Variants in H2BC1 observed in about 807,000 individuals in gnomAD.
The protein encoded by H2BC1 is histone H2B type 1-A.
In H2BC1, 5 loss-of-function variants were observed where a neutral mutation model predicts 5.4. That is an observed-to-expected ratio of 0.92 (90% CI 0.48 to 1.94). The LOEUF is 1.94. Among genes scored for constraint, H2BC1 ranks in the 30% most tolerant of loss-of-function variants. The pLI, the probability that H2BC1 is intolerant of heterozygous loss-of-function variation, is 0.01. For missense variants in H2BC1, 210 were observed against 159.1 expected (o/e 1.32, Z -1.72); for synonymous variants, 131 against 58.2 (o/e 2.25, Z -5.69).
Position 25,727,039 on chromosome 6 carries a change from A to G in H2BC1, c.131A>G (p.Tyr44Cys), listed in dbSNP as rs1363676327. Residue 44 changes from tyrosine (Y) to cysteine (C), a missense_variant, in exon 1 of 1, where the codon TAC (tyrosine) becomes TGC (cysteine). Transcript: ENST00000274764. The part of the protein sequence containing the change: ...TRKESYSIYI[Y>C]KVLKQVHPDT... ...AAGGAGAGTTATTCTATTTACATCT[A>G]CAAAGTGCTAAAGCAGGTCCATCCG... 2.5e-6 allele frequency: 4 copies of G among 1,614,136 alleles called. No homozygotes were observed. In the African/African-American group the frequency reaches 5.3e-5, roughly 22 times the overall value.
chr6:25,727,183 C>G lies in H2BC1; in HGVS notation c.275C>G (p.Ser92Cys), dbSNP rs763574279. The G allele has an allele frequency of 6.2e-7, 1 of 1,614,198 alleles. No homozygotes were observed. The highest frequency in any genetic ancestry group is 8.5e-7 in the Non-Finnish European group (1 of 1,180,042). ...CACTACAGCAAGCGCTCCACCATTT[C>G]TTCCAGAGAGATTCAGACAGCAGTG... ...LAHYSKRSTI[S>C]SREIQTAVRL... is the part of the protein sequence containing the mutation. The change falls in exon 1 of 1, where the codon TCT becomes TGT. Residue 92 changes from serine (S) to cysteine (C), a missense_variant. Coordinates refer to ENST00000274764, the MANE Select transcript of H2BC1 (RefSeq NM_170610.3).
Position 25,727,150 on chromosome 6 carries a change from G to A in H2BC1, c.242G>A (p.Arg81His), listed in dbSNP as rs748832558. ...IFERIASEAS[R>H]LAHYSKRSTI... ...GAGCGTATAGCGAGCGAGGCATCAC[G>A]TTTGGCTCACTACAGCAAGCGCTCC... The change falls in exon 1 of 1, where the codon CGT (arginine) becomes CAT (histidine). Residue 81 changes from arginine to histidine, a missense_variant. Physicochemically the swap from Arg to His is conservative, Grantham distance 29 (BLOSUM62 0). Transcript: ENST00000274764. 3 of 1,614,174 alleles carry A rather than the reference G, an allele frequency of 1.9e-6. No individual in the cohort carries two copies. The highest frequency in any genetic ancestry group is 4.5e-5 in the East Asian group (2 of 44,870).
Position 25,726,781 on chromosome 6 carries a change from GT to G in H2BC1, c.-125del. The G allele has an allele frequency of 7.9e-7, 1 of 1,260,236 alleles. No individual in the cohort carries two copies. Among genetic ancestry groups the G allele is most frequent in the Non-Finnish European group, 1.1e-6 (1 of 906,146 alleles). 78.1% of individuals were successfully genotyped at this position (1,260,236 alleles called of 1,614,324 possible). On this transcript the variant is annotated 5_prime_UTR_variant, in exon 1 of 1. Transcript: ENST00000274764. ...CATCTTTCATCCTCCAGTTCTGTTT[GT>G]TTACTTGGCGAGACTTGGAGCTGAG...
In H2BC1 at chr6:25,727,307, C is replaced by A. The variant is rs371711078; in HGVS notation, c.*15C>A. On this transcript the variant is annotated 3_prime_UTR_variant, in exon 1 of 1. Coordinates refer to ENST00000274764, the MANE Select transcript of H2BC1 (RefSeq NM_170610.3). ...GCTCCAAGTAAGCCTGCTAAGTAAA[C>A]GTCATTTCTAACCCAAAGGCTCTTT... 3 of 1,566,834 alleles carry A rather than the reference C, an allele frequency of 1.9e-6. No homozygotes were observed. The highest frequency in any genetic ancestry group is 2.6e-6 in the Non-Finnish European group (3 of 1,156,252).
Position 25,727,311 on chromosome 6 carries a change from A to C in H2BC1, c.*19A>C. ...CAAGTAAGCCTGCTAAGTAAACGTC[A>C]TTTCTAACCCAAAGGCTCTTTTCAG... is the stretch of plus-strand genomic sequence containing the variant. On this transcript the variant is annotated 3_prime_UTR_variant, in exon 1 of 1. Coordinates refer to ENST00000274764, the MANE Select transcript of H2BC1 (RefSeq NM_170610.3). 1 of 1,560,840 alleles carries C rather than the reference A, an allele frequency of 6.4e-7. No homozygotes were observed. Among genetic ancestry groups the C allele is most frequent in the Non-Finnish European group, 8.7e-7 (1 of 1,153,626 alleles).
At position 25,727,232 on chromosome 6, in the gene H2BC1, G is replaced by C; in HGVS notation, c.324G>C (p.Leu108=). 1 of 1,613,728 alleles carries C rather than the reference G, an allele frequency of 6.2e-7. No homozygotes were observed. The highest frequency in any genetic ancestry group is 8.5e-7 in the Non-Finnish European group (1 of 1,179,742). Reference sequence around the variant, plus strand: ...TGCGCTTGCTACTGCCGGGAGAGCTGGCTAAACATGCTGTGTCTGAGGGCA... The same window carrying C: ...TGCGCTTGCTACTGCCGGGAGAGCTCGCTAAACATGCTGTGTCTGAGGGCA... ...TAVRLLLPGE[L]AKHAVSEGTK... is the part of the protein sequence containing the mutation. The change falls in exon 1 of 1, where the codon CTG becomes CTC. Residue 108 remains leucine, a synonymous_variant. Coordinates refer to ENST00000274764, the MANE Select transcript of H2BC1 (RefSeq NM_170610.3).
In H2BC1 at chr6:25,726,963, G is replaced by A. The variant is rs1275388967; in HGVS notation, c.55G>A (p.Ala19Thr). The change falls in exon 1 of 1, where the codon GCT (alanine) becomes ACT (threonine). Residue 19 changes from alanine (A) to threonine (T), a missense_variant. Coordinates refer to ENST00000274764, the MANE Select transcript of H2BC1 (RefSeq NM_170610.3). ...CATTTCCAAGAAGGGCTTTAAGAAAGCTGTCGTTAAGACCCAGAAAAAGGA... is the reference window on the plus strand; with the variant it reads ...CATTTCCAAGAAGGGCTTTAAGAAAACTGTCGTTAAGACCCAGAAAAAGGA... ...ATISKKGFKK[A>T]VVKTQKKEGK... The A allele has an allele frequency of 6.2e-7, 1 of 1,614,124 alleles. No individual in the cohort carries two copies. The highest frequency in any genetic ancestry group is 1.7e-5 in the Admixed American group (1 of 60,016).
Position 25,727,342 on chromosome 6 carries a change from C to CT in H2BC1, c.*52dup. 1 of 1,471,856 alleles carries CT rather than the reference C, an allele frequency of 6.8e-7. No homozygotes were observed. The highest frequency in any genetic ancestry group is 9.1e-7 in the Non-Finnish European group (1 of 1,093,644). The allele number at this position is 1,471,856 out of a possible 1,614,324, so 91.2% of individuals were successfully genotyped here. On this transcript the variant is annotated 3_prime_UTR_variant, in exon 1 of 1. Transcript: ENST00000274764. Reference sequence around the variant, plus strand: ...AACCCAAAGGCTCTTTTCAGAGCCACTTAAACATACTGAAACAGCTGTGGG... The same window carrying CT: ...AACCCAAAGGCTCTTTTCAGAGCCACTTTAAACATACTGAAACAGCTGTGGG...
In H2BC1 at chr6:25,727,307, C is replaced by T; in HGVS notation, c.*15C>T. ...GCTCCAAGTAAGCCTGCTAAGTAAA[C>T]GTCATTTCTAACCCAAAGGCTCTTT... On this transcript the variant is annotated 3_prime_UTR_variant, in exon 1 of 1. Coordinates refer to ENST00000274764, the MANE Select transcript of H2BC1 (RefSeq NM_170610.3). 1.3e-6 allele frequency: 2 copies of T among 1,566,952 alleles called. No individual in the cohort carries two copies. The highest frequency in any genetic ancestry group is 1.7e-6 in the Non-Finnish European group (2 of 1,156,246).
chr6:25,726,848 T>C lies in H2BC1; in HGVS notation c.-61T>C. On this transcript the variant is annotated 5_prime_UTR_variant, in exon 1 of 1. Transcript: ENST00000274764. ...TTAATACTGAAGAGCTGTTGAGCAC[T>C]GGAAAGTGCTGTGTAACCCTGGAAA... 1.9e-6 allele frequency: 3 copies of C among 1,543,914 alleles called. No individual in the cohort carries two copies. Among genetic ancestry groups the C allele is most frequent in the Non-Finnish European group, 2.6e-6 (3 of 1,148,618 alleles).
chr6:25,727,343 T>A lies in H2BC1; in HGVS notation c.*51T>A, dbSNP rs1230284858. ...ACCCAAAGGCTCTTTTCAGAGCCACTTAAACATACTGAAACAGCTGTGGGC... is the reference window on the plus strand; with the variant it reads ...ACCCAAAGGCTCTTTTCAGAGCCACATAAACATACTGAAACAGCTGTGGGC... On this transcript the variant is annotated 3_prime_UTR_variant, in exon 1 of 1. Transcript: ENST00000274764. 3 of 1,490,560 alleles carry A rather than the reference T, an allele frequency of 2.0e-6. No homozygotes were observed. The highest frequency in any genetic ancestry group is 2.7e-6 in the Non-Finnish European group (3 of 1,110,160). The allele number at this position is 1,490,560 out of a possible 1,614,324, so 92.3% of individuals were successfully genotyped here.
In H2BC1 at chr6:25,726,941, T is replaced by TA. The variant is rs758186932; in HGVS notation, c.33_34insA (p.Ser12IlefsTer6). 5.5e-5 allele frequency: 88 copies of TA among 1,613,794 alleles called. No homozygotes were observed. The highest frequency in any genetic ancestry group is 7.4e-5 in the Non-Finnish European group (87 of 1,179,988). On this transcript the variant is annotated frameshift_variant, in exon 1 of 1. Transcript: ENST00000274764. LOFTEE classifies it low-confidence loss of function (END_TRUNC). ...AGGTGTCATCTAAAGGTGCTACCAT[T>TA]TCCAAGAAGGGCTTTAAGAAAGCTG...
At position 25,727,051 on chromosome 6, in the gene H2BC1, A is replaced by G; in HGVS notation, c.143A>G (p.Lys48Arg). The G allele has an allele frequency of 1.2e-6, 2 of 1,614,264 alleles. No homozygotes were observed. Among genetic ancestry groups the G allele is most frequent in the Non-Finnish European group, 1.7e-6 (2 of 1,180,048 alleles). ...TCTATTTACATCTACAAAGTGCTAA[A>G]GCAGGTCCATCCGGACACTGGCATC... Reference protein sequence around the residue: ...SYSIYIYKVLKQVHPDTGISS... With the variant: ...SYSIYIYKVLRQVHPDTGISS... Residue 48 changes from lysine (K) to arginine (R), a missense_variant, in exon 1 of 1, where the codon AAG (lysine) becomes AGG (arginine). By Grantham distance (26) the Lys-to-Arg change is conservative. Transcript: ENST00000274764.
rs76498510 is a variant in H2BC1 at position 25,726,888 on chromosome 6, C to T, written c.-21C>T. 668 of 1,601,802 alleles carry T rather than the reference C, an allele frequency of 4.2e-4. No individual in the cohort carries two copies. The highest frequency in any genetic ancestry group is 5.2e-4 in the Non-Finnish European group (616 of 1,174,646). On this transcript the variant is annotated 5_prime_UTR_variant, in exon 1 of 1. Transcript: ENST00000274764. ...AACCCTGGAAAAGAACCGTGTAACGCTGCAGAAGTGTGTGGTAGCTATGCC... is the reference window on the plus strand; with the variant it reads ...AACCCTGGAAAAGAACCGTGTAACGTTGCAGAAGTGTGTGGTAGCTATGCC...
rs781270656 is a variant in H2BC1 at position 25,727,008 on chromosome 6, ACCCGT to A, written c.101_105del (p.Thr34LysfsTer35). On this transcript the variant is annotated frameshift_variant, in exon 1 of 1. Coordinates refer to ENST00000274764, the MANE Select transcript of H2BC1 (RefSeq NM_170610.3). LOFTEE classifies it high-confidence loss of function. ...AAAGGAAGGCAAAAAGCGCAAGAGG[ACCCGT>A]AAGGAGAGTTATTCTATTTACATCT... 1 of 1,614,186 alleles carries A rather than the reference ACCCGT, an allele frequency of 6.2e-7. No homozygotes were observed. The highest frequency in any genetic ancestry group is 8.5e-7 in the Non-Finnish European group (1 of 1,180,042).
chr6:25,726,879 C>A lies in H2BC1; in HGVS notation c.-30C>A. ...GTGCTGTGTAACCCTGGAAAAGAAC[C>A]GTGTAACGCTGCAGAAGTGTGTGGT... On this transcript the variant is annotated 5_prime_UTR_variant, in exon 1 of 1. Coordinates refer to ENST00000274764, the MANE Select transcript of H2BC1 (RefSeq NM_170610.3). 5 of 1,582,592 alleles carry A rather than the reference C, an allele frequency of 3.2e-6. No individual in the cohort carries two copies. Among genetic ancestry groups the A allele is most frequent in the Non-Finnish European group, 4.3e-6 (5 of 1,166,634 alleles).
Position 25,727,205 on chromosome 6 carries a change from A to C in H2BC1, c.297A>C (p.Ala99=), listed in dbSNP as rs1429936113. The C allele has an allele frequency of 3.1e-6, 5 of 1,614,186 alleles. No homozygotes were observed. Among genetic ancestry groups the C allele is most frequent in the Admixed American group, 1.7e-5 (1 of 60,024 alleles). ...TTTCTTCCAGAGAGATTCAGACAGC[A>C]GTGCGCTTGCTACTGCCGGGAGAGC... ...STISSREIQT[A]VRLLLPGELA... The change falls in exon 1 of 1, where the codon GCA becomes GCC. Residue 99 remains alanine (A), a synonymous_variant. Transcript: ENST00000274764.
chr6:25,727,159 A>G lies in H2BC1; in HGVS notation c.251A>G (p.His84Arg). The G allele has an allele frequency of 6.2e-7, 1 of 1,614,192 alleles. No individual in the cohort carries two copies. The highest frequency in any genetic ancestry group is 8.5e-7 in the Non-Finnish European group (1 of 1,180,040). Residue 84 changes from histidine to arginine, a missense_variant, in exon 1 of 1, where the codon CAC becomes CGC. Transcript: ENST00000274764. ...GCGAGCGAGGCATCACGTTTGGCTC[A>G]CTACAGCAAGCGCTCCACCATTTCT... ...RIASEASRLA[H>R]YSKRSTISSR...
At position 25,726,864 on chromosome 6, in the gene H2BC1, A is replaced by G. The variant is rs780065849; in HGVS notation, c.-45A>G. ...GTTGAGCACTGGAAAGTGCTGTGTAACCCTGGAAAAGAACCGTGTAACGCT... is the reference window on the plus strand; with the variant it reads ...GTTGAGCACTGGAAAGTGCTGTGTAGCCCTGGAAAAGAACCGTGTAACGCT... On this transcript the variant is annotated 5_prime_UTR_variant, in exon 1 of 1. Coordinates refer to ENST00000274764, the MANE Select transcript of H2BC1 (RefSeq NM_170610.3). The G allele has an allele frequency of 4.5e-6, 7 of 1,569,606 alleles. No homozygotes were observed. The highest frequency in any genetic ancestry group is 1.4e-5 in the African/African-American group (1 of 73,626).
Sources: allele counts gnomAD v4.1 joint callset, GRCh38; gene constraint gnomAD v4.1.1; transcripts MANE v1.5; gene names NCBI Gene and HGNC (gene_info 2026-07-23, HGNC 2026-07-21).